The following CCDC30 variants were observed in gnomAD, a reference collection of about 807,000 sequenced individuals.
The protein encoded by CCDC30 is coiled-coil domain-containing protein 30.
CCDC30 carries 70 observed loss-of-function variants against 100.2 expected under a neutral mutation model. The ratio of observed to expected loss-of-function variants is 0.70; its 90% CI spans 0.58 to 0.85. The LOEUF (loss-of-function observed/expected upper bound fraction) is 0.85. Among genes scored for constraint, CCDC30 ranks in the 40% least tolerant of loss-of-function variants. The probability of loss-of-function intolerance (pLI) is 0.00; values close to 1 mark genes in which losing one functional copy is unlikely to be tolerated. For synonymous variants in CCDC30, 233 were observed against 269.5 expected, an observed-to-expected ratio of 0.86 and a Z score of 1.33; for missense variants, 652 against 771.2, an observed-to-expected ratio of 0.85 and a Z score of 1.83.
At chr1:42,512,510 G>T (rs1252666249) in intron 6 of CCDC30, among the ~76,000 whole-genome samples, 1 of 152,100 alleles carries the variant, frequency 6.6e-6, no homozygotes, top group East Asian at 1.9e-4. Flanking sequence ...TATATCCTTT[G>T]TTACTATAGA....
chr1:42,583,926 A>G (rs1177554918), intron 9 of CCDC30, among the ~76,000 whole-genome samples: 1 of 152,222 alleles, frequency 6.6e-6, no homozygotes, highest in Admixed American at 6.5e-5. Context: ...GATAAAGTGT[A>G]GGTATCCTAC....
At chr1:42,641,039 C>T (rs1405990722) in intron 12 of CCDC30, among the ~76,000 whole-genome samples, 2 of 149,740 alleles carry the variant, frequency 1.3e-5, no homozygotes, top group African/African-American at 2.5e-5. Context: ...GAGGATAGTT[C>T]GAGGCCAGGA....
chr1:42,524,363 C>T (rs541726113), intron 6 of CCDC30, among the ~76,000 whole-genome samples: 71 of 152,114 alleles, frequency 4.7e-4, no homozygotes, highest in African/African-American at 1.6e-3. Context: ...TTCCAGTTTC[C>T]TCTCTATACG....
chr1:42,520,354 C>G (rs1242035114), intron 6 of CCDC30, among the ~76,000 whole-genome samples: 1 of 149,304 alleles, frequency 6.7e-6, no homozygotes, highest in Admixed American at 6.7e-5. Context: ...TTTTTTGAGA[C>G]AGAGTCTCAC....
chr1:42,570,074 A>G (rs1342287635), intron 7 of CCDC30, among the ~76,000 whole-genome samples: 1 of 152,240 alleles, frequency 6.6e-6, no homozygotes, highest in Non-Finnish European at 1.5e-5. Flanking sequence ...ATGTATACCT[A>G]TGTAACAAAC....
chr1:42,611,603 C>T (rs1646626119), intron 11 of CCDC30, among the ~76,000 whole-genome samples: 1 of 151,584 alleles, frequency 6.6e-6, no homozygotes, highest in African/African-American at 2.4e-5. Context: ...ATACCATTGT[C>T]CAAAGGTAAA....
intron 10 of CCDC30, among the ~76,000 whole-genome samples, chr1:42,602,818 C>T (rs568318299): frequency 6.6e-6 from 1 of 152,242 alleles, no homozygotes; most frequent in Admixed American, 6.5e-5. Context: ...CATACCAAAA[C>T]CAAAGACATT....
At position 42,504,110 on chromosome 1, in the gene CCDC30, A is replaced by T. The variant is rs1569840926; in HGVS notation, c.456+5194A>T. ...CGAAGGGATGGGCTAAATTAAAGGA[A>T]TAGGTTGGGCTAGTTAACTGCAGCA... On this transcript the variant is annotated intron_variant, in intron 6 of 16. Transcript: ENST00000668663. Among the ~76,000 whole-genome samples, 4 of 152,262 alleles carry T rather than the reference A, an allele frequency of 2.6e-5. No homozygotes were observed. In the East Asian group the frequency reaches 7.7e-4, roughly 29 times the overall value.
chr1:42,600,481 C>T (rs1344019708), intron 10 of CCDC30, among the ~76,000 whole-genome samples: 1 of 152,186 alleles, frequency 6.6e-6, no homozygotes, highest in Non-Finnish European at 1.5e-5. Flanking sequence ...CTTCACCCAA[C>T]AACAGCAGAT....
intron 6 of CCDC30, among the ~76,000 whole-genome samples, chr1:42,559,887 G>T (rs1401949841): frequency 6.6e-6 from 1 of 152,018 alleles, no homozygotes; most frequent in Non-Finnish European, 1.5e-5. Flanking sequence ...CCACATAATT[G>T]GAAGTAAAAC....
intron 9 of CCDC30, among the ~76,000 whole-genome samples, 169 bp from the exon 14 acceptor site, chr1:42,589,151 AG>A (rs1248372940): frequency 6.6e-6 from 1 of 152,104 alleles, no homozygotes; most frequent in Non-Finnish European, 1.5e-5. Flanking sequence ...AAGTAAGGAA[AG>A]CTTCTATCAC....
chr1:42,542,500 C>T (rs1484864187), intron 6 of CCDC30, among the ~76,000 whole-genome samples: 1 of 151,044 alleles, frequency 6.6e-6, no homozygotes, highest in African/African-American at 2.4e-5. Flanking sequence ...GCTGAGACCA[C>T]AGGCACATGG....
intron 6 of CCDC30, chr1:42,537,285 C>A (rs1350292942): frequency 1.8e-5 from 8 of 455,936 alleles, no homozygotes; most frequent in South Asian, 1.2e-4. Context: ...GAAAAGAGAC[C>A]TGGAAGTGAG....
intron 6 of CCDC30, among the ~76,000 whole-genome samples, chr1:42,559,470 CA>C (rs572777989): frequency 6.6e-6 from 1 of 150,816 alleles, no homozygotes; most frequent in African/African-American, 2.4e-5. Flanking sequence ...AAATGGAAAG[CA>C]AAAAAAAGCA....
intron 3 of CCDC30, among the ~76,000 whole-genome samples, chr1:42,486,142 A>G (rs1644046712): frequency 6.6e-6 from 1 of 152,230 alleles, no homozygotes; most frequent in African/African-American, 2.4e-5. Flanking sequence ...AGGAGAAATG[A>G]AAACATGTAT....
chr1:42,521,937 T>A (rs1432954937), intron 6 of CCDC30, among the ~76,000 whole-genome samples: 1 of 152,060 alleles, frequency 6.6e-6, no homozygotes, highest in African/African-American at 2.4e-5. Flanking sequence ...ACATTCAGTC[T>A]ACTTTTATCT....
chr1:42,567,150 T>C (rs1275349044), intron 7 of CCDC30, among the ~76,000 whole-genome samples: 5 of 151,258 alleles, frequency 3.3e-5, no homozygotes, highest in African/African-American at 1.2e-4. Context: ...GAGAGTTTAA[T>C]GGTAGGCACA....
At chr1:42,491,931 C>T (rs539515608) in intron 4 of CCDC30, 25 of 730,958 alleles carry the variant, frequency 3.4e-5, no homozygotes, top group Admixed American at 2.3e-4. Context: ...CCTCAAGCGT[C>T]GTGTGTTTGA....
chr1:42,657,055 A>G, downstream of CCDC30, among the ~76,000 whole-genome samples: 1 of 152,212 alleles, frequency 6.6e-6, no homozygotes, highest in Non-Finnish European at 1.5e-5. Context: ...AACCAGAAAT[A>G]AAAATGACCC....
Sources: gnomAD v4.1 joint callset for allele counts (sites outside exome capture counted in the v4.1 genomes callset) on GRCh38, gnomAD v4.1.1 for gene constraint, MANE v1.5 for transcripts, NCBI Gene and HGNC (gene_info 2026-07-23, HGNC 2026-07-21) for gene names.